The following LAMC2 variants were observed in gnomAD, a reference collection of about 807,000 sequenced individuals.
LAMC2 encodes the protein laminin subunit gamma-2.
Under a neutral mutation model 140.2 loss-of-function variants are expected in LAMC2, and 97 were observed. The ratio of observed to expected loss-of-function variants is 0.69; its 90% CI spans 0.59 to 0.82. The LOEUF (loss-of-function observed/expected upper bound fraction) is 0.82, where lower values mean the gene tolerates loss of function less well. Among genes scored for constraint, LAMC2 ranks in the 40% least tolerant of loss-of-function variants. LAMC2 has a pLI of 0.00. For missense variants in LAMC2, 1,402 were observed against 1,476.1 expected (o/e 0.95, Z 0.82); for synonymous variants, 513 against 540.2 (o/e 0.95, Z 0.70).
intron 14 of LAMC2, among the ~76,000 whole-genome samples, chr1:183,233,385 A>G (rs1659855539): frequency 6.6e-6 from 1 of 152,180 alleles, no homozygotes; most frequent in South Asian, 2.1e-4. Flanking sequence ...TGGGAAAAAA[A>G]TGCTGCCAGT....
chr1:183,257,506 G>A, the LAMC2 span, among the ~76,000 whole-genome samples: 1 of 152,148 alleles, frequency 6.6e-6, no homozygotes, highest in Admixed American at 6.5e-5. Context: ...GAAGTCATCT[G>A]GTCCTGGGCT....
Position 183,232,686 on chromosome 1 carries a change from G to T in LAMC2, c.2049G>T (p.Lys683Asn). ...ASRSLGLQLA[K>N]VRSQENSYQS... ...GATCCCTTGGTCTCCAGTTGGCCAA[G>T]GTGAGGAGCCAAGAGAACAGCTACC... is the stretch of plus-strand genomic sequence containing the variant. Residue 683 changes from lysine to asparagine, a missense_variant, in exon 14 of 23, where the codon AAG (lysine) becomes AAT (asparagine). Physicochemically the swap from Lys to Asn is moderately conservative, Grantham distance 94. Around this residue, in one of 3 missense-constraint regions of LAMC2, gnomAD observed 670 missense variants for 667.2 expected, o/e 1.00. Transcript: ENST00000264144. 6.2e-7 allele frequency: 1 copy of T among 1,613,472 alleles called. No individual in the cohort carries two copies. Among genetic ancestry groups the T allele is most frequent in the Non-Finnish European group, 8.5e-7 (1 of 1,179,934 alleles).
intron 7 of LAMC2, among the ~76,000 whole-genome samples, chr1:183,224,371 T>C (rs1659564743): frequency 6.6e-6 from 1 of 152,180 alleles, no homozygotes; most frequent in African/African-American, 2.4e-5. Context: ...TGTTGGGCCT[T>C]GTGTGTCATG....
the LAMC2 span, chr1:183,252,874 GA>G: frequency 3.1e-6 from 2 of 655,076 alleles, no homozygotes; most frequent in Non-Finnish European, 5.4e-6. Context: ...TCTGTATTAG[GA>G]AAGGCCCTCT....
At chr1:183,252,458 C>G in the LAMC2 span, 2 of 395,832 alleles carry the variant, frequency 5.1e-6, no homozygotes, top group South Asian at 4.0e-5. Flanking sequence ...GAAAGTCTGT[C>G]CAAAGATGAC....
intron 22 of LAMC2, chr1:183,241,250 A>T: frequency 2.1e-6 from 2 of 956,292 alleles, no homozygotes; most frequent in Non-Finnish European, 2.5e-6. Flanking sequence ...TGTCTCAAAA[A>T]AAAAAAAAAA....
intron 4 of LAMC2, among the ~76,000 whole-genome samples, chr1:183,219,634 C>A (rs946645269): frequency 6.6e-6 from 1 of 152,158 alleles, no homozygotes; most frequent in Non-Finnish European, 1.5e-5. Context: ...CCTCCCCTCC[C>A]ATCCTTCCTT....
chr1:183,200,115 GC>G (rs1392082643), intron 1 of LAMC2, among the ~76,000 whole-genome samples: 1 of 152,202 alleles, frequency 6.6e-6, no homozygotes, highest in Non-Finnish European at 1.5e-5. Flanking sequence ...AGAGGGCCGG[GC>G]GCGGTGGCTC....
rs1659706004 is a variant in LAMC2 at position 183,228,597 on chromosome 1, C to T, written c.1692C>T (p.Pro564=). The change falls in exon 11 of 23, where the codon CCC becomes CCT. Residue 564 remains proline, a synonymous_variant. Transcript: ENST00000264144. The surrounding 1 kb of genome is among the most constrained non-coding windows in gnomAD (Gnocchi z 4.3). ...GCTACTTCGGGGACCCATTGGCTCCCAACCCAGCAGACAAGTGTCGAGGTA... is the reference window on the plus strand; with the variant it reads ...GCTACTTCGGGGACCCATTGGCTCCTAACCCAGCAGACAAGTGTCGAGGTA... The part of the protein sequence containing the change: ...KAGYFGDPLA[P]NPADKCRACN... 4 of 1,614,094 alleles carry T rather than the reference C, an allele frequency of 2.5e-6. No homozygotes were observed. Among genetic ancestry groups the T allele is most frequent in the Non-Finnish European group, 3.4e-6 (4 of 1,180,020 alleles).
rs1306800377 is a variant in LAMC2, at chr1:183,220,866, A to G, written c.545A>G (p.Glu182Gly). The G allele has an allele frequency of 1.2e-6, 2 of 1,613,784 alleles. No homozygotes were observed. Among genetic ancestry groups the G allele is most frequent in the African/African-American group, 1.3e-5 (1 of 74,934 alleles). The change falls in exon 5 of 23, where the codon GAG (glutamate) becomes GGG (glycine). Residue 182 changes from glutamate to glycine, a missense_variant. Around this residue, in one of 3 missense-constraint regions of LAMC2, gnomAD observed 723 missense variants for 783.3 expected, o/e 0.92. Transcript: ENST00000264144. Reference sequence around the variant, plus strand: ...TATAATCTGGATGGGGGGAACCCTGAGGGCTGTACCCAGTGTTTCTGCTAT... The same window carrying G: ...TATAATCTGGATGGGGGGAACCCTGGGGGCTGTACCCAGTGTTTCTGCTAT... The part of the protein sequence containing the change: ...GYYNLDGGNP[E>G]GCTQCFCYGH...
At chr1:183,206,606 C>T (rs555647833) in intron 1 of LAMC2, among the ~76,000 whole-genome samples, 1 of 149,842 alleles carries the variant, frequency 6.7e-6, no homozygotes, top group African/African-American at 2.5e-5. Context: ...GATCATGCCA[C>T]TGCACTCCAC....
chr1:183,258,522 C>T, the LAMC2 span, among the ~76,000 whole-genome samples: 35 of 152,286 alleles, frequency 2.3e-4, no homozygotes, highest in African/African-American at 7.2e-4. Context: ...TTGGGAGAAA[C>T]TTAGTTTATA....
intron 1 of LAMC2, among the ~76,000 whole-genome samples, chr1:183,203,228 T>C (rs1658777406): frequency 6.6e-6 from 1 of 152,194 alleles, no homozygotes; most frequent in Non-Finnish European, 1.5e-5. Flanking sequence ...ATCAATTGCA[T>C]GTGGCTGCAA....
At chr1:183,200,829 G>A (rs1294994350) in intron 1 of LAMC2, among the ~76,000 whole-genome samples, 1 of 152,166 alleles carries the variant, frequency 6.6e-6, no homozygotes, top group African/African-American at 2.4e-5. Flanking sequence ...CTGGCTGCCT[G>A]GCGGTCTTTC....
intron 3 of LAMC2, among the ~76,000 whole-genome samples, chr1:183,216,767 C>A (rs1028457446): frequency 3.3e-5 from 5 of 152,082 alleles, no homozygotes; most frequent in Non-Finnish European, 7.4e-5. Context: ...AAATGTAAGC[C>A]CCCTGTGACT....
Position 183,240,352 on chromosome 1 carries a change from G to A in LAMC2, c.3289G>A (p.Asp1097Asn), listed in dbSNP as rs1304323674. 1.1e-5 allele frequency: 17 copies of A among 1,614,092 alleles called. No homozygotes were observed. Among genetic ancestry groups the A allele is most frequent in the Non-Finnish European group, 1.4e-5 (17 of 1,180,054 alleles). Residue 1097 changes from aspartate (D) to asparagine (N), a missense_variant, in exon 22 of 23, where the codon GAC becomes AAC. This residue lies in a region of LAMC2 where 670 missense variants were observed against 667.2 expected (regional missense o/e 1.00). Transcript: ENST00000264144. ...CAAGAACGCTGGGGTTACAATCCAA[G>A]ACACACTCAACACATTAGACGGCCT... Reference protein sequence around the residue: ...RAKNAGVTIQDTLNTLDGLLH... With the variant: ...RAKNAGVTIQNTLNTLDGLLH...
At chr1:183,187,584 A>G (rs963256587) in intron 1 of LAMC2, among the ~76,000 whole-genome samples, 8 of 152,134 alleles carry the variant, frequency 5.3e-5, no homozygotes, top group Non-Finnish European at 1.2e-4. Flanking sequence ...TTTACTGTGT[A>G]TATCGAAACA....
intron 22 of LAMC2, among the ~76,000 whole-genome samples, chr1:183,242,400 A>G (rs926148720): frequency 2.0e-5 from 3 of 152,232 alleles, no homozygotes; most frequent in Admixed American, 1.3e-4. Context: ...TTCAGCTCAC[A>G]TATGTGAGGC....
rs1659223627 is a variant in LAMC2 at position 183,215,490 on chromosome 1, C to T, written c.306C>T (p.Cys102=). The T allele has an allele frequency of 6.2e-7, 1 of 1,613,992 alleles. No homozygotes were observed. The highest frequency in any genetic ancestry group is 1.7e-5 in the Admixed American group (1 of 60,002). ...CTCGATGTGACAACTCCGGACGGTG[C>T]AGCTGTAAACCAGGTGTGACAGGAG... ...LSARCDNSGR[C]SCKPGVTGAR... Residue 102 remains cysteine, a synonymous_variant, in exon 3 of 23, where the codon TGC becomes TGT. Coordinates refer to ENST00000264144, the MANE Select transcript of LAMC2 (RefSeq NM_005562.3).
Sources: gnomAD v4.1 joint callset for allele counts (sites outside exome capture counted in the v4.1 genomes callset) on GRCh38, gnomAD v4.1.1 for gene constraint, gnomAD v4.1.1 regional missense constraint, Gnocchi (gnomAD v3.1) non-coding constraint, MANE v1.5 for transcripts, NCBI Gene and HGNC (gene_info 2026-07-23, HGNC 2026-07-21) for gene names.